SENP5: variants seen among roughly 807,000 people sequenced by gnomAD.
The protein encoded by SENP5 is SUMO specific peptidase 5, also known as sentrin-specific protease 5.
Under a neutral mutation model 74.2 loss-of-function variants are expected in SENP5, and 21 were observed. That is an observed-to-expected ratio of 0.28 (90% confidence interval 0.20 to 0.41). SENP5 has a LOEUF of 0.41. Ranked by LOEUF, SENP5 falls within the 10% of genes least tolerant of loss-of-function variation. SENP5 has a pLI of 1.00. For missense variants in SENP5, 717 were observed against 889.1 expected, an observed-to-expected ratio of 0.81 and a Z score of 2.46; for synonymous variants, 311 against 312.7, an observed-to-expected ratio of 0.99 and a Z score of 0.06.
chr3:196,907,364 CTCA>C (rs1246141880), intron 6 of SENP5, among the ~76,000 whole-genome samples: 1 of 148,438 alleles, frequency 6.7e-6, no homozygotes, highest in Non-Finnish European at 1.5e-5. Context: ...GTCCCACTTA[CTCA>C]GGAGACTGAA....
Position 196,931,054 on chromosome 3 carries a change from AT to A in SENP5, c.*134del. The A allele has an allele frequency of 3.1e-6, 2 of 637,978 alleles. No individual in the cohort carries two copies. The highest frequency in any genetic ancestry group is 3.8e-5 in the South Asian group (2 of 52,248). 39.5% of individuals were successfully genotyped at this position (637,978 alleles called of 1,614,324 possible). On this transcript the variant is annotated 3_prime_UTR_variant, in exon 10 of 10. Transcript: ENST00000323460. The stretch of plus-strand genomic sequence containing the variant: ...TGTTGGGCCACTATTGTTACCTCAA[AT>A]TTATTTTTTGCCCTTATTCATTTCT...
At chr3:196,916,348 AC>A (rs1199059749) in intron 6 of SENP5, among the ~76,000 whole-genome samples, 7 of 151,974 alleles carry the variant, frequency 4.6e-5, no homozygotes, top group Non-Finnish European at 7.4e-5. Flanking sequence ...AACAAAAAAA[AC>A]ATGCAGGAAA....
chr3:196,920,748 A>G (rs139429110), intron 6 of SENP5, among the ~76,000 whole-genome samples: 1 of 152,282 alleles, frequency 6.6e-6, no homozygotes, highest in East Asian at 1.9e-4. Context: ...AGATGAACCT[A>G]TGGTTTTTCT....
chr3:196,882,879 T>C (rs925198029), intron 1 of SENP5, among the ~76,000 whole-genome samples: 3 of 152,198 alleles, frequency 2.0e-5, no homozygotes, highest in Admixed American at 6.5e-5. Context: ...GTGTCAACTT[T>C]GGGGTACACT....
chr3:196,897,078 T>C (rs906671231), intron 2 of SENP5, among the ~76,000 whole-genome samples: 1 of 152,230 alleles, frequency 6.6e-6, no homozygotes, highest in Non-Finnish European at 1.5e-5. Flanking sequence ...AGCACCATGA[T>C]ACTAGTTTGA....
intron 6 of SENP5, among the ~76,000 whole-genome samples, chr3:196,918,274 T>TC (rs1308789729): frequency 6.8e-6 from 1 of 147,086 alleles, no homozygotes; most frequent in Non-Finnish European, 1.5e-5. Context: ...GCCACTGCAC[T>TC]CCAAGCTGGG....
At chr3:196,873,995 G>T (rs1368864210) in intron 1 of SENP5, among the ~76,000 whole-genome samples, 1 of 151,758 alleles carries the variant, frequency 6.6e-6, no homozygotes, top group African/African-American at 2.4e-5. Flanking sequence ...GCACCATGGT[G>T]CCTGGCTGGT....
intron 8 of SENP5, 136 bp downstream of exon 8, chr3:196,928,015 G>A (rs1469375987): frequency 1.8e-6 from 1 of 557,242 alleles, no homozygotes; most frequent in African/African-American, 1.9e-5. Context: ...AGGCAGCTGA[G>A]AATGAACTTC....
chr3:196,920,397 C>T lies in SENP5; in HGVS notation c.1885-3017C>T, dbSNP rs115674596. On this transcript the variant is annotated intron_variant, in intron 6 of 9. Coordinates refer to ENST00000323460, the MANE Select transcript of SENP5 (RefSeq NM_152699.5). The stretch of plus-strand genomic sequence containing the variant: ...TGATTTCTGTATTTTGACTTTGTAT[C>T]CTCTGACCTTACCAAAGTCATTTAT... Among the ~76,000 whole-genome samples, 651 of 152,220 alleles carry T rather than the reference C, an allele frequency of 4.3e-3. 5 individuals are homozygous for T. The highest frequency in any genetic ancestry group is 7.1e-3 in the Non-Finnish European group (486 of 67,998).
intron 1 of SENP5, among the ~76,000 whole-genome samples, chr3:196,884,275 C>T (rs1398551142): frequency 1.3e-5 from 2 of 152,180 alleles, no homozygotes; most frequent in Middle Eastern, 3.2e-3. Context: ...ATCAAATGCT[C>T]TCACCCAGTG....
At chr3:196,912,998 A>G (rs1715199544) in intron 6 of SENP5, 1 of 152,222 alleles carries the variant, frequency 6.6e-6, no homozygotes, top group Admixed American at 6.5e-5. Context: ...CAAATTGTGT[A>G]ATTATCAGAT....
chr3:196,912,106 T>C (rs1332788236), intron 6 of SENP5, among the ~76,000 whole-genome samples: 1 of 152,058 alleles, frequency 6.6e-6, no homozygotes, highest in African/African-American at 2.4e-5. Context: ...TATAAATCAT[T>C]CTCTATAGAG....
At chr3:196,881,595 A>G (rs1319876080) in intron 1 of SENP5, among the ~76,000 whole-genome samples, 1 of 151,720 alleles carries the variant, frequency 6.6e-6, no homozygotes, top group African/African-American at 2.4e-5. Context: ...TATTTTTCCT[A>G]TTTTCCATTA....
At chr3:196,881,233 A>G (rs953307933) in intron 1 of SENP5, among the ~76,000 whole-genome samples, 1 of 152,188 alleles carries the variant, frequency 6.6e-6, no homozygotes, top group East Asian at 1.9e-4. Flanking sequence ...AGGCTGAGCC[A>G]CAGTTCCCTG....
At chr3:196,868,884 T>TTTTTTTTTGTTTGTG (rs1481174627) in intron 1 of SENP5, among the ~76,000 whole-genome samples, 1 of 151,428 alleles carries the variant, frequency 6.6e-6, no homozygotes, top group Admixed American at 6.6e-5. Context: ...CTACTTATGT[T>TTTTTTTTTGTTTGTG]TTTTTTTTGC....
intron 7 of SENP5, among the ~76,000 whole-genome samples, chr3:196,926,160 A>C (rs1435327308): frequency 3.3e-5 from 5 of 152,214 alleles, no homozygotes; most frequent in African/African-American, 1.2e-4. Context: ...TTTAAGGACA[A>C]ATCCTTTTTG....
In SENP5 at chr3:196,885,611, C is replaced by G. The variant is rs1713924960; in HGVS notation, c.430C>G (p.Pro144Ala). Residue 144 changes from proline (P) to alanine (A), a missense_variant, in exon 2 of 10, where the codon CCA (proline) becomes GCA (alanine). Coordinates refer to ENST00000323460, the MANE Select transcript of SENP5 (RefSeq NM_152699.5). ...TCTCTTGAAGGCAGTTACTGACTTT[C>G]CATCAAATAGTGCTTTAGGTCAGGC... ...KNLLKAVTDF[P>A]SNSALGQANG... 1 of 1,614,144 alleles carries G rather than the reference C, an allele frequency of 6.2e-7. No homozygotes were observed. Among genetic ancestry groups the G allele is most frequent in the Non-Finnish European group, 8.5e-7 (1 of 1,180,034 alleles).
chr3:196,873,497 G>A (rs980031278), intron 1 of SENP5, among the ~76,000 whole-genome samples: 5 of 151,656 alleles, frequency 3.3e-5, no homozygotes, highest in South Asian at 2.1e-4. Flanking sequence ...AGCCCTTCAG[G>A]TTTATGTATT....
chr3:196,883,594 C>T (rs1430247462), intron 1 of SENP5, among the ~76,000 whole-genome samples: 1 of 152,062 alleles, frequency 6.6e-6, no homozygotes, highest in Non-Finnish European at 1.5e-5. Flanking sequence ...GACTTTGAGC[C>T]AGCGTTTCCT....
Sources: allele counts gnomAD v4.1 joint callset (sites outside exome capture counted in the v4.1 genomes callset), GRCh38; gene constraint gnomAD v4.1.1; transcripts MANE v1.5; gene names NCBI Gene and HGNC (gene_info 2026-07-23, HGNC 2026-07-21).